Variants in ARFGEF3 observed in about 807,000 individuals in gnomAD.
The protein encoded by ARFGEF3 is brefeldin A-inhibited guanine nucleotide-exchange protein 3.
Under a neutral mutation model 221.7 loss-of-function variants are expected in ARFGEF3, and 96 were observed. The ratio of observed to expected loss-of-function variants is 0.43; its 90% CI spans 0.37 to 0.51. The LOEUF is 0.51. Ranked by LOEUF, ARFGEF3 falls within the 20% of genes least tolerant of loss-of-function variation. The pLI is 0.00. For missense variants in ARFGEF3, 2,410 were observed against 2,789.9 expected (o/e 0.86, Z 3.07); for synonymous variants, 1,145 against 1,126.8 (o/e 1.02, Z -0.32).
At chr6:138,256,016 ACT>A (rs780561297) in intron 10 of ARFGEF3, among the ~76,000 whole-genome samples, 3 of 152,030 alleles carry the variant, frequency 2.0e-5, no homozygotes, top group Non-Finnish European at 4.4e-5. Context: ...GCTTGTTAAG[ACT>A]CTGTTAGATG....
At chr6:138,191,313 C>T (rs923539518) in intron 2 of ARFGEF3, among the ~76,000 whole-genome samples, 4 of 152,074 alleles carry the variant, frequency 2.6e-5, no homozygotes, top group African/African-American at 9.7e-5. Context: ...TATCACATAG[C>T]GTGTTAATGA....
chr6:138,222,364 G>T (rs1777998171), intron 4 of ARFGEF3, among the ~76,000 whole-genome samples: 1 of 152,230 alleles, frequency 6.6e-6, no homozygotes, highest in Non-Finnish European at 1.5e-5. Flanking sequence ...GGGCCGCAGG[G>T]TTGGACAAGC....
chr6:138,296,450 G>T (rs944527627), intron 20 of ARFGEF3, among the ~76,000 whole-genome samples: 1 of 152,174 alleles, frequency 6.6e-6, no homozygotes, highest in Admixed American at 6.5e-5. Context: ...TCATTAAAGA[G>T]GAAAATCTTT....
intron 4 of ARFGEF3, chr6:138,218,565 C>A: frequency 8.6e-7 from 1 of 1,160,814 alleles, no homozygotes; most frequent in Non-Finnish European, 1.2e-6. Flanking sequence ...TCTGTTCCAT[C>A]CTACGAGGTA....
chr6:138,335,148 C>A lies in ARFGEF3; in HGVS notation c.6302C>A (p.Ser2101Tyr). 1 of 1,582,064 alleles carries A rather than the reference C, an allele frequency of 6.3e-7. No individual in the cohort carries two copies. The highest frequency in any genetic ancestry group is 8.6e-7 in the Non-Finnish European group (1 of 1,168,458). Residue 2101 changes from serine to tyrosine, a missense_variant, in exon 33 of 34, where the codon TCC becomes TAC. Physicochemically the swap from Ser to Tyr is moderately radical, Grantham distance 144. Transcript: ENST00000251691. ...CCCCGCTCAGGCTCCACCGGGAGCT[C>A]CCTCAGTGTCTCGGTGAGAGACGCA... The part of the protein sequence containing the change: ...KRPRSGSTGS[S>Y]LSVSVRDAEA...
In ARFGEF3 at chr6:138,317,354, G is replaced by C. The variant is rs1457871380; in HGVS notation, c.4449G>C (p.Leu1483=). 1 of 1,613,992 alleles carries C rather than the reference G, an allele frequency of 6.2e-7. No individual in the cohort carries two copies. Among genetic ancestry groups the C allele is most frequent in the South Asian group, 1.1e-5 (1 of 91,066 alleles). The change falls in exon 27 of 34, where the codon CTG becomes CTC. Residue 1483 remains leucine, a synonymous_variant. Coordinates refer to ENST00000251691, the MANE Select transcript of ARFGEF3 (RefSeq NM_020340.5). Reference sequence around the variant, plus strand: ...CAACTCTGGATTTACTCTTTGAGCTGTTGAGAGATGTGACGAAAACACCAG... The same window carrying C: ...CAACTCTGGATTTACTCTTTGAGCTCTTGAGAGATGTGACGAAAACACCAG... ...QPPTLDLLFE[L]LRDVTKTPGP...
chr6:138,207,237 TTTGA>T (rs1322004960), intron 3 of ARFGEF3, 114 bp downstream of exon 3: 1 of 756,564 alleles, frequency 1.3e-6, no homozygotes, highest in Non-Finnish European at 2.2e-6. Context: ...CAGGCAGAAA[TTTGA>T]TTGAACTAGG....
At chr6:138,163,202 T>C (rs1488001246) in intron 1 of ARFGEF3, among the ~76,000 whole-genome samples, 1 of 152,190 alleles carries the variant, frequency 6.6e-6, no homozygotes, top group Non-Finnish European at 1.5e-5. Context: ...ATGTAGATGG[T>C]CTTAATTCAC....
At chr6:138,186,305 G>A (rs1006421750) in intron 2 of ARFGEF3, among the ~76,000 whole-genome samples, 6 of 152,204 alleles carry the variant, frequency 3.9e-5, no homozygotes, top group Non-Finnish European at 8.8e-5. Context: ...TGGTTTAAAT[G>A]AGATGGGGCT....
intron 12 of ARFGEF3, among the ~76,000 whole-genome samples, chr6:138,270,427 G>C (rs977365815): frequency 7.2e-6 from 1 of 139,416 alleles, no homozygotes. Flanking sequence ...ATTTTACGTA[G>C]ACACACACAC....
At chr6:138,322,589 G>A (rs142818581) in intron 29 of ARFGEF3, among the ~76,000 whole-genome samples, 1,557 of 152,212 alleles carry the variant, frequency 0.01, 28 homozygotes, top group African/African-American at 0.036. Context: ...AAGGTCAGGA[G>A]TTCGAGACTA....
intron 17 of ARFGEF3, among the ~76,000 whole-genome samples, chr6:138,287,742 G>T (rs1229445809): frequency 2.0e-5 from 3 of 152,214 alleles, no homozygotes; most frequent in Non-Finnish European, 4.4e-5. Context: ...CATCCTGGTA[G>T]CAACAGAAGA....
rs1173040979 is a variant in ARFGEF3, at chr6:138,340,270, T to TA, written c.*3785dup. On this transcript the variant is annotated 3_prime_UTR_variant, in exon 34 of 34. Coordinates refer to ENST00000251691, the MANE Select transcript of ARFGEF3 (RefSeq NM_020340.5). Reference sequence around the variant, plus strand: ...AAATCAAACATGACAAAAATGTTAATATAATTCAGAAGTACCTTGAAATTG... The same window carrying TA: ...AAATCAAACATGACAAAAATGTTAATAATAATTCAGAAGTACCTTGAAATTG... The TA allele has an allele frequency of 6.6e-6, 1 of 152,248 alleles. No individual in the cohort carries two copies. Among genetic ancestry groups the TA allele is most frequent in the Non-Finnish European group, 1.5e-5 (1 of 68,042 alleles). 9.4% of individuals were successfully genotyped at this position (152,248 alleles called of 1,614,324 possible). A position where few individuals can be genotyped will look rare whatever the true frequency, so the allele number is the denominator to read the frequency against.
intron 17 of ARFGEF3, among the ~76,000 whole-genome samples, chr6:138,288,819 C>G (rs1779345624): frequency 6.6e-6 from 1 of 152,230 alleles, no homozygotes; most frequent in African/African-American, 2.4e-5. Flanking sequence ...TCTGGACCAT[C>G]ACTTAGTTAT....
At chr6:138,236,444 C>T (rs1778289160) in intron 5 of ARFGEF3, among the ~76,000 whole-genome samples, 1 of 152,160 alleles carries the variant, frequency 6.6e-6, no homozygotes, top group African/African-American at 2.4e-5. Flanking sequence ...GTTTTAAAAC[C>T]ATTTCATCGC....
chr6:138,213,598 C>G (rs1241659108), intron 4 of ARFGEF3, among the ~76,000 whole-genome samples: 1 of 151,598 alleles, frequency 6.6e-6, no homozygotes, highest in Non-Finnish European at 1.5e-5. Context: ...AAGACAAATA[C>G]CATGATTTCA....
chr6:138,271,482 G>A (rs2114605735), intron 12 of ARFGEF3, among the ~76,000 whole-genome samples: 2 of 152,170 alleles, frequency 1.3e-5, no homozygotes, highest in South Asian at 4.2e-4. Flanking sequence ...GCCCTGCATT[G>A]TCTAAAGGTT....
At chr6:138,317,400 CT>C (rs1443887414) in intron 27 of ARFGEF3, 21 bp downstream of exon 27, 1 of 1,613,612 alleles carries the variant, frequency 6.2e-7, no homozygotes, top group Non-Finnish European at 8.5e-7. Flanking sequence ...CTGTGTCCGT[CT>C]TTTGGGGGAG....
intron 27 of ARFGEF3, among the ~76,000 whole-genome samples, chr6:138,317,717 T>C (rs867080144): frequency 3.0e-4 from 46 of 152,194 alleles, no homozygotes; most frequent in South Asian, 4.1e-4. Context: ...CAGCCTTCCT[T>C]TGTGGCAGGA....
Sources: gnomAD v4.1 joint callset for allele counts (sites outside exome capture counted in the v4.1 genomes callset) on GRCh38, gnomAD v4.1.1 for gene constraint, MANE v1.5 for transcripts, NCBI Gene and HGNC (gene_info 2026-07-23, HGNC 2026-07-21) for gene names.